Variants in SHANK2 observed in about 807,000 individuals in gnomAD.
The protein encoded by SHANK2 is SH3 and multiple ankyrin repeat domains protein 2.
In SHANK2, 43 loss-of-function variants were observed where a neutral mutation model predicts 133.7. That is an observed-to-expected ratio of 0.32 (90% CI 0.25 to 0.41). SHANK2 has a LOEUF of 0.41. Among genes scored for constraint, SHANK2 ranks in the 10% least tolerant of loss-of-function variants. The pLI is 1.00. For missense variants in SHANK2, 1,994 were observed against 2,235.8 expected (o/e 0.89, Z 2.18); for synonymous variants, 1,017 against 952.8 (o/e 1.07, Z -1.24).
At chr11:70,661,958 T>C in intron 15 of SHANK2, 1 of 718,216 alleles carries the variant, frequency 1.4e-6, no homozygotes, top group Non-Finnish European at 2.4e-6. Context: ...GTGGGGCGGC[T>C]GCCTGAGGGA....
chr11:70,914,006 T>C (rs924328123), intron 10 of SHANK2, among the ~76,000 whole-genome samples: 1 of 152,204 alleles, frequency 6.6e-6, no homozygotes, highest in East Asian at 1.9e-4. Context: ...TTTCAATTAA[T>C]CCACTTTTGG....
intron 9 of SHANK2, among the ~76,000 whole-genome samples, chr11:71,067,025 C>A (rs1384924654): frequency 6.6e-6 from 1 of 152,216 alleles, no homozygotes; most frequent in Non-Finnish European, 1.5e-5. Flanking sequence ...CGGCCTTTGA[C>A]CACTCCTGCA....
intron 15 of SHANK2, among the ~76,000 whole-genome samples, chr11:70,688,387 G>C (rs1945204461): frequency 6.6e-6 from 1 of 152,170 alleles, no homozygotes; most frequent in African/African-American, 2.4e-5. Context: ...AGTTGGCCGT[G>C]GCCAGGTCGG....
chr11:70,875,578 G>T (rs1281156926), intron 11 of SHANK2, among the ~76,000 whole-genome samples: 4 of 151,132 alleles, frequency 2.6e-5, no homozygotes, highest in Non-Finnish European at 5.9e-5. Context: ...GCATGTCTGG[G>T]AGCTGGGCAT....
rs1205280284 is a variant in SHANK2 at position 70,881,550 on chromosome 11, ATAATAATAATATTAATAATAATAT to A, written c.1174+14927_1174+14950del. Reference sequence around the variant, plus strand: ...AACAATACAGGGAGACCCTGTCTCAATAATAATAATATTAATAATAATATTAATAATAATAATAATAATAATAAT... The same window carrying A: ...AACAATACAGGGAGACCCTGTCTCAATAATAATAATAATAATAATAATAAT... On this transcript the variant is annotated intron_variant, in intron 11 of 25. Transcript: ENST00000601538. Among the ~76,000 whole-genome samples, 187 of 24,034 alleles carry A rather than the reference ATAATAATAATATTAATAATAATAT, an allele frequency of 7.8e-3. 1 individual carries two copies. The highest frequency in any genetic ancestry group is 0.076 in the East Asian group (13 of 170). 15.8% of individuals were successfully genotyped at this position (24,034 alleles called of 152,430 possible).
At chr11:70,502,736 C>CGGG in intron 18 of SHANK2, 60 bp downstream of exon 18, 1 of 462,548 alleles carries the variant, frequency 2.2e-6, no homozygotes, top group Non-Finnish European at 3.3e-6. Context: ...GTCCTGCCCG[C>CGGG]CCCCACCCCC....
At chr11:70,947,136 C>G (rs1337684230) in intron 10 of SHANK2, among the ~76,000 whole-genome samples, 250 of 3,568 alleles carry the variant, frequency 0.07, 2 homozygotes, top group African/African-American at 0.11. Context: ...CTCTCCAACA[C>G]ACACACACAC....
intron 11 of SHANK2, among the ~76,000 whole-genome samples, chr11:70,841,145 C>A (rs1948896686): frequency 6.6e-6 from 1 of 152,048 alleles, no homozygotes; most frequent in East Asian, 1.9e-4. Flanking sequence ...GTAGCGGGCA[C>A]CTATAATCCC....
At chr11:70,523,783 C>A (rs947609755) in intron 17 of SHANK2, among the ~76,000 whole-genome samples, 2 of 152,152 alleles carry the variant, frequency 1.3e-5, no homozygotes, top group Non-Finnish European at 2.9e-5. Flanking sequence ...CAAGAATATC[C>A]ATAATTTCAG....
Position 70,535,648 on chromosome 11 carries a change from T to A in SHANK2, c.2062-32717A>T, listed in dbSNP as rs2059533698. ...AAGTGTTGTGCTAGACGCTGGGGAA[T>A]GAATAACTCCTGGCCCCGCCTTTAA... On this transcript the variant is annotated intron_variant, in intron 17 of 25. Transcript: ENST00000601538. The surrounding 1 kb of genome is among the most constrained non-coding windows in gnomAD (Gnocchi z 4.3). Among the ~76,000 whole-genome samples the A allele has an allele frequency of 6.6e-6, 1 of 152,188 alleles. No individual in the cohort carries two copies. The highest frequency in any genetic ancestry group is 6.5e-5 in the Admixed American group (1 of 15,288).
chr11:71,249,413 G>A (rs1948140479), intron 1 of SHANK2, among the ~76,000 whole-genome samples: 1 of 152,186 alleles, frequency 6.6e-6, no homozygotes, highest in South Asian at 2.1e-4. Context: ...CAGGAGAAGT[G>A]GAGGCTCCTG....
chr11:70,675,521 G>T (rs893352315), intron 15 of SHANK2, among the ~76,000 whole-genome samples: 11 of 152,182 alleles, frequency 7.2e-5, no homozygotes, highest in African/African-American at 2.7e-4. Context: ...TTGATTCCTG[G>T]CCAGGTGGGG....
intron 17 of SHANK2, among the ~76,000 whole-genome samples, chr11:70,639,061 T>C (rs1175974181): frequency 6.6e-6 from 1 of 151,914 alleles, no homozygotes; most frequent in African/African-American, 2.4e-5. Flanking sequence ...CACACTGCCC[T>C]GAGTCTCACA....
intron 17 of SHANK2, among the ~76,000 whole-genome samples, chr11:70,617,851 GA>G (rs2060773152): frequency 6.6e-6 from 1 of 152,156 alleles, no homozygotes; most frequent in African/African-American, 2.4e-5. Context: ...GGTCGGGGGA[GA>G]GGGGAGGGAT....
chr11:70,549,460 C>T (rs564698642), intron 17 of SHANK2, among the ~76,000 whole-genome samples: 2 of 152,246 alleles, frequency 1.3e-5, no homozygotes, highest in Non-Finnish European at 2.9e-5. Context: ...CTGCCTGCTT[C>T]CTCTTTGGTG....
Position 70,881,273 on chromosome 11 carries a change from C to A in SHANK2, c.1174+15228G>T, listed in dbSNP as rs144304519. Among the ~76,000 whole-genome samples, 1,409 of 152,180 alleles carry A rather than the reference C, an allele frequency of 9.3e-3. 14 individuals are homozygous for A. The highest frequency in any genetic ancestry group is 0.017 in the Admixed American group (262 of 15,280). ...TCTCACCCAGGCTGGTCTTGAACTC[C>A]TGGGCTCAAGCAATCCTCCAGTTTC... On this transcript the variant is annotated intron_variant, in intron 11 of 25. Transcript: ENST00000601538.
Position 70,901,257 on chromosome 11 carries a change from T to C in SHANK2, c.1108-4690A>G, listed in dbSNP as rs78836525. ...AATATGCTGTCATTTTCATGGACTA[T>C]GGCATTTTTTTAAAAAGTTATGATA... On this transcript the variant is annotated intron_variant, in intron 10 of 25. Coordinates refer to ENST00000601538, the MANE Select transcript of SHANK2 (RefSeq NM_012309.5). Among the ~76,000 whole-genome samples the C allele has an allele frequency of 1.3e-3, 201 of 152,292 alleles. 2 individuals carry two copies. The East Asian group carries it at 0.016, about 12-fold the overall frequency.
At chr11:70,843,020 AC>A (rs1205510174) in intron 11 of SHANK2, among the ~76,000 whole-genome samples, 1 of 152,032 alleles carries the variant, frequency 6.6e-6, no homozygotes, top group African/African-American at 2.4e-5. Context: ...AGCTGCCCAC[AC>A]CACACCCTGG....
chr11:71,172,339 C>T (rs1248962232), intron 2 of SHANK2, among the ~76,000 whole-genome samples: 2 of 152,050 alleles, frequency 1.3e-5, no homozygotes, highest in Non-Finnish European at 2.9e-5. Flanking sequence ...CCGCCGGGCA[C>T]GGTGGCTCAC....
Sources: allele counts gnomAD v4.1 joint callset (sites outside exome capture counted in the v4.1 genomes callset), GRCh38; gene constraint gnomAD v4.1.1; non-coding constraint Gnocchi (gnomAD v3.1); transcripts MANE v1.5; gene names NCBI Gene and HGNC (gene_info 2026-07-23, HGNC 2026-07-21).